Variants in TSPAN6 observed in about 807,000 individuals in gnomAD.
The protein encoded by TSPAN6 is tetraspanin 6.
Under a neutral mutation model 18.0 loss-of-function variants are expected in TSPAN6, and 13 were observed. The ratio of observed to expected loss-of-function variants is 0.72; its 90% CI spans 0.47 to 1.15. The LOEUF is 1.15. TSPAN6 is among the 50% of genes most tolerant of loss of function. The pLI is 0.00. For synonymous variants in TSPAN6, 82 were observed against 67.0 expected, an observed-to-expected ratio of 1.22 and a Z score of -1.09; for missense variants, 186 against 183.9, an observed-to-expected ratio of 1.01 and a Z score of -0.07.
chrX:100,636,514 C>A, intron 1 of TSPAN6, 94 bp downstream of exon 1: 1 of 1,068,468 alleles, frequency 9.4e-7, no homozygotes, highest in Non-Finnish European at 1.2e-6. Flanking sequence ...AACCCCACAC[C>A]GTTCCCGACC....
In TSPAN6 at chrX:100,629,938, G is replaced by A. The variant is rs1274153107; in HGVS notation, c.*88C>T. The A allele has an allele frequency of 4.0e-6, 3 of 747,215 alleles. No homozygotes were observed. The highest frequency in any genetic ancestry group is 1.8e-4 in the Admixed American group (2 of 11,365). The allele number at this position is 747,215 out of a possible 1,213,427, so 61.6% of individuals were successfully genotyped here. A position where few individuals can be genotyped will look rare whatever the true frequency, so the allele number is the denominator to read the frequency against. The stretch of plus-strand genomic sequence containing the variant: ...GGTCTATCAGTAAGTAGTGTTGTCA[G>A]TTCTCCAGCCAAGCAACTTTCTAAT... On this transcript the variant is annotated 3_prime_UTR_variant, in exon 8 of 8. Coordinates refer to ENST00000373020, the MANE Select transcript of TSPAN6 (RefSeq NM_003270.4).
chrX:100,634,701 G>A (rs1331505042), intron 3 of TSPAN6, among the ~76,000 whole-genome samples: 1 of 110,453 alleles, frequency 9.1e-6, no homozygotes, highest in Admixed American at 9.7e-5. Flanking sequence ...CAGTTTCACC[G>A]TGTTAGCCAG....
chrX:100,636,668 CTG>C lies in TSPAN6; in HGVS notation c.25_26del (p.Gln9AspfsTer2), dbSNP rs748959590. 17 of 1,203,552 alleles carry C rather than the reference CTG, an allele frequency of 1.4e-5. No homozygotes were observed. Among genetic ancestry groups the C allele is most frequent in the Admixed American group, 2.2e-5 (1 of 45,270 alleles). On this transcript the variant is annotated frameshift_variant, in exon 1 of 8. Coordinates refer to ENST00000373020, the MANE Select transcript of TSPAN6 (RefSeq NM_003270.4). LOFTEE classifies it high-confidence loss of function. ...TGAAACAAGTAATGACTGGTTTAGTCTGCAGTCTCCGAGACGGGGACGCCATG... is the reference window on the plus strand; with the variant it reads ...TGAAACAAGTAATGACTGGTTTAGTCCAGTCTCCGAGACGGGGACGCCATG... MASPSRRL[Q>X]TKPVITCFKS...
chrX:100,633,614 T>C (rs2083075017), intron 4 of TSPAN6, 75 bp from the exon 5 acceptor site: 3 of 1,004,521 alleles, frequency 3.0e-6, no homozygotes, highest in Non-Finnish European at 4.0e-6. Flanking sequence ...ATATCCTCTA[T>C]TGCAATTTGT....
At position 100,636,120 on chromosome X, in the gene TSPAN6, G is replaced by A. The variant is rs541777474; in HGVS notation, c.88-374C>T. 5.3e-6 allele frequency: 4 copies of A among 756,632 alleles called. No homozygotes were observed. The Admixed American group carries it at 3.0e-4, about 57-fold the overall frequency. 62.4% of individuals were successfully genotyped at this position (756,632 alleles called of 1,213,427 possible). Reference sequence around the variant, plus strand: ...CCTCTCCAGGTAGGGATGGGCACAGGGTACAAAGGACTGGTACACAAAAGC... The same window carrying A: ...CCTCTCCAGGTAGGGATGGGCACAGAGTACAAAGGACTGGTACACAAAAGC... On this transcript the variant is annotated intron_variant, in intron 1 of 7. Transcript: ENST00000373020.
chrX:100,636,679 G>A lies in TSPAN6; in HGVS notation c.16C>T (p.Arg6Trp), dbSNP rs1171606806. 4 of 1,202,803 alleles carry A rather than the reference G, an allele frequency of 3.3e-6. No homozygotes were observed. In the African/African-American group the frequency reaches 7.0e-5, roughly 21 times the overall value. Residue 6 changes from arginine to tryptophan, a missense_variant, in exon 1 of 8, where the codon CGG (arginine) becomes TGG (tryptophan). Transcript: ENST00000373020. The part of the protein sequence containing the change: MASPS[R>W]RLQTKPVITC... ...ATGACTGGTTTAGTCTGCAGTCTCC[G>A]AGACGGGGACGCCATGACTAGCCCG...
At chrX:100,634,533 C>T (rs1018860014) in intron 3 of TSPAN6, among the ~76,000 whole-genome samples, 3 of 110,509 alleles carry the variant, frequency 2.7e-5, no homozygotes, top group Non-Finnish European at 5.7e-5. Context: ...GCTCTGCTGC[C>T]CAGGCTGCAG....
In TSPAN6 at chrX:100,633,414, T is replaced by C; in HGVS notation, c.576A>G (p.Val192=). Residue 192 remains valine (V), a synonymous_variant, in exon 5 of 8, where the codon GTA becomes GTG. Transcript: ENST00000373020. ...DCTPQRDADK[V]NNEGCFIKVM... ...TTAAAAGGCACCTTACTTCATTGTT[T>C]ACTTTGTCTGCATCTCTCTGTGGAG... The C allele has an allele frequency of 8.3e-7, 1 of 1,210,369 alleles. No homozygotes were observed. The highest frequency in any genetic ancestry group is 1.1e-6 in the Non-Finnish European group (1 of 894,685).
intron 2 of TSPAN6, 23 bp downstream of exon 2, chrX:100,635,535 T>C (rs948051217): frequency 8.7e-7 from 1 of 1,152,590 alleles, no homozygotes; most frequent in Non-Finnish European, 1.2e-6. Context: ...CAAGAATCAA[T>C]TCTAATGAAA....
chrX:100,634,106 T>A, intron 3 of TSPAN6, 77 bp from the exon 4 acceptor site: 1 of 617,566 alleles, frequency 1.6e-6, no homozygotes, highest in Non-Finnish European at 2.6e-6. Flanking sequence ...AGTTCTCGAA[T>A]CTGACCAATG....
intron 1 of TSPAN6, chrX:100,636,322 C>T: frequency 4.4e-6 from 4 of 918,602 alleles, no homozygotes; most frequent in South Asian, 9.5e-5. Flanking sequence ...GCTCTGGGGG[C>T]TTAAGGCCCC....
Position 100,630,877 on chromosome X carries a change from A to G in TSPAN6, c.670-11T>C. ...AAAGATTCCAATCAGCTAGAAATAA[A>G]ATAGGAACAAAATTAAATACATACA... On this transcript the variant is annotated splice_polypyrimidine_tract_variant and intron_variant, in intron 6 of 7. Coordinates refer to ENST00000373020, the MANE Select transcript of TSPAN6 (RefSeq NM_003270.4). 1 of 1,152,867 alleles carries G rather than the reference A, an allele frequency of 8.7e-7. No individual in the cohort carries two copies. The highest frequency in any genetic ancestry group is 1.2e-6 in the Non-Finnish European group (1 of 842,841).
chrX:100,630,741 G>A lies in TSPAN6; in HGVS notation c.*39+18C>T. 1 of 1,130,915 alleles carries A rather than the reference G, an allele frequency of 8.8e-7. No individual in the cohort carries two copies. The highest frequency in any genetic ancestry group is 1.2e-6 in the Non-Finnish European group (1 of 828,239). The allele number at this position is 1,130,915 out of a possible 1,213,427, so 93.2% of individuals were successfully genotyped here. A position where few individuals can be genotyped will look rare whatever the true frequency, so the allele number is the denominator to read the frequency against. The stretch of plus-strand genomic sequence containing the variant: ...TAAATATCAACACTAACAGAGCTGA[G>A]GACCAAAATGAACGCACCTTAAAGG... On this transcript the variant is annotated intron_variant, in intron 7 of 7. Coordinates refer to ENST00000373020, the MANE Select transcript of TSPAN6 (RefSeq NM_003270.4).
At chrX:100,632,456 A>C (rs898971928) in intron 6 of TSPAN6, 29 bp downstream of exon 6, 4 of 1,115,033 alleles carry the variant, frequency 3.6e-6, no homozygotes, top group Non-Finnish European at 4.9e-6. Context: ...GAGGGATGAA[A>C]TATTTCCTAA....
At chrX:100,630,613 C>A (rs2083052714) in intron 7 of TSPAN6, 146 bp downstream of exon 7, 1 of 439,784 alleles carries the variant, frequency 2.3e-6, no homozygotes, top group Non-Finnish European at 3.9e-6. Flanking sequence ...AGAGACCTAA[C>A]CTGCCTACAC....
chrX:100,636,428 C>A lies in TSPAN6; in HGVS notation c.87+180G>T, dbSNP rs891134117. ...TCCCGCACTCCGACCCCAGCGCCGG[C>A]GAGATGCCTGAGCTCTTTGTTCGGG... On this transcript the variant is annotated intron_variant, in intron 1 of 7. Transcript: ENST00000373020. 86 of 1,005,712 alleles carry A rather than the reference C, an allele frequency of 8.6e-5. No homozygotes were observed. The African/African-American group carries it at 1.6e-3, about 19-fold the overall frequency. The allele number at this position is 1,005,712 out of a possible 1,213,427, so 82.9% of individuals were successfully genotyped here.
rs1454892682 is a variant in TSPAN6 at position 100,628,900 on chromosome X, A to G, written c.*1126T>C. 1 of 111,791 alleles carries G rather than the reference A, an allele frequency of 8.9e-6. No individual in the cohort carries two copies. Among genetic ancestry groups the G allele is most frequent in the Non-Finnish European group, 1.9e-5 (1 of 53,203 alleles). The allele number at this position is 111,791 out of a possible 1,213,427, so 9.2% of individuals were successfully genotyped here. ...AAAACATTTTTTTTAATACAGAGTT[A>G]AGGCCGCAGGCTTATATTTCACATC... On this transcript the variant is annotated 3_prime_UTR_variant, in exon 8 of 8. Coordinates refer to ENST00000373020, the MANE Select transcript of TSPAN6 (RefSeq NM_003270.4).
chrX:100,634,946 C>T (rs1331494131), intron 3 of TSPAN6, among the ~76,000 whole-genome samples: 2 of 112,227 alleles, frequency 1.8e-5, no homozygotes, highest in Admixed American at 9.4e-5. Context: ...GGTATTTATA[C>T]ACAGAAAAAC....
rs1161365317 is a variant in TSPAN6, at chrX:100,628,184, GT to G, written c.*1841del. The G allele has an allele frequency of 9.0e-6, 1 of 111,711 alleles. No homozygotes were observed. Among genetic ancestry groups the G allele is most frequent in the African/African-American group, 3.3e-5 (1 of 30,705 alleles). The allele number at this position is 111,711 out of a possible 1,213,427, so 9.2% of individuals were successfully genotyped here. A position where few individuals can be genotyped will look rare whatever the true frequency, so the allele number is the denominator to read the frequency against. Reference sequence around the variant, plus strand: ...TCAAAACCACTGCAGTGAAAAATATGTATTTGAAAATTGCTGATAATCCTTT... The same window carrying G: ...TCAAAACCACTGCAGTGAAAAATATGATTTGAAAATTGCTGATAATCCTTT... On this transcript the variant is annotated 3_prime_UTR_variant, in exon 8 of 8. Transcript: ENST00000373020.
Sources: gnomAD v4.1 joint callset for allele counts (sites outside exome capture counted in the v4.1 genomes callset) on GRCh38, gnomAD v4.1.1 for gene constraint, MANE v1.5 for transcripts, NCBI Gene and HGNC (gene_info 2026-07-23, HGNC 2026-07-21) for gene names.